The following ABCC9 variants were observed in gnomAD, a reference collection of about 807,000 sequenced individuals.
ABCC9 encodes ATP binding cassette subfamily C member 9.
A neutral mutation model predicts 188.3 loss-of-function variants in ABCC9; 95 were observed. The observed-to-expected ratio is 0.50, with a 90% CI of 0.43 to 0.60. ABCC9 has a LOEUF of 0.60. Among genes scored for constraint, ABCC9 ranks in the 20% least tolerant of loss-of-function variants. ABCC9 has a pLI of 0.00. For synonymous variants in ABCC9, 659 were observed against 652.7 expected (o/e 1.01, Z -0.15); for missense variants, 1,102 against 1,876.3 (o/e 0.59, Z 7.62).
At chr12:21,937,698 T>C (rs913101274) in intron 2 of ABCC9, among the ~76,000 whole-genome samples, 1 of 152,182 alleles carries the variant, frequency 6.6e-6, no homozygotes, top group Non-Finnish European at 1.5e-5. Flanking sequence ...TCTGGGCACT[T>C]TGCATATCTT....
At chr12:21,907,797 G>T (rs534911305) in intron 11 of ABCC9, among the ~76,000 whole-genome samples, 1 of 152,126 alleles carries the variant, frequency 6.6e-6, no homozygotes, top group African/African-American at 2.4e-5. Flanking sequence ...TTAGACAAGT[G>T]ATCTAAGAAG....
intron 14 of ABCC9, among the ~76,000 whole-genome samples, chr12:21,891,078 T>A (rs1947138718): frequency 6.6e-6 from 1 of 152,214 alleles, no homozygotes; most frequent in South Asian, 2.1e-4. Flanking sequence ...TGTATAGCTT[T>A]ATAACACCAT....
chr12:21,902,300 G>A (rs1167358703), intron 12 of ABCC9, among the ~76,000 whole-genome samples: 4 of 152,178 alleles, frequency 2.6e-5, no homozygotes, highest in African/African-American at 9.7e-5. Context: ...TTAAAGCAGT[G>A]TGTAGAGGGA....
intron 29 of ABCC9, among the ~76,000 whole-genome samples, chr12:21,838,756 A>G (rs1428015283): frequency 6.6e-6 from 1 of 152,158 alleles, no homozygotes; most frequent in Admixed American, 6.5e-5. Context: ...TAATCTGGCC[A>G]GGTGCGGTGG....
intron 12 of ABCC9, among the ~76,000 whole-genome samples, chr12:21,904,524 A>G (rs1171421546): frequency 6.6e-6 from 1 of 152,152 alleles, no homozygotes; most frequent in Non-Finnish European, 1.5e-5. Context: ...TTTGCAATCT[A>G]CTCATCTGAC....
At chr12:21,831,671 G>A (rs1451333532) in intron 30 of ABCC9, among the ~76,000 whole-genome samples, 3 of 152,194 alleles carry the variant, frequency 2.0e-5, no homozygotes, top group Non-Finnish European at 2.9e-5. Context: ...AAGATAATCT[G>A]AGTGAGGTTT....
intron 18 of ABCC9, among the ~76,000 whole-genome samples, chr12:21,868,759 TA>T (rs1189842914): frequency 1.3e-5 from 2 of 151,960 alleles, no homozygotes; most frequent in Non-Finnish European, 2.9e-5. Flanking sequence ...TTTTGAGCTT[TA>T]AAAAAAACGA....
chr12:21,905,263 G>A (rs7972391), intron 12 of ABCC9, among the ~76,000 whole-genome samples: 93,637 of 151,690 alleles, frequency 0.62, 29,158 homozygotes, highest in East Asian at 0.8. Context: ...GGGGCCTGTC[G>A]TGGGGTGTGG....
chr12:21,814,604 G>T, intron 35 of ABCC9, 40 bp downstream of exon 35: 3 of 1,512,628 alleles, frequency 2.0e-6, no homozygotes, highest in Non-Finnish European at 2.8e-6. Flanking sequence ...TTAAAGGAAA[G>T]CACCAAGTGG....
chr12:21,852,403 T>A lies in ABCC9; in HGVS notation c.2608A>T (p.Thr870Ser), dbSNP rs1057521460. The change falls in exon 23 of 40, where the codon ACT becomes TCT. Residue 870 changes from threonine to serine, a missense_variant. Thr to Ser is a moderately conservative substitution (Grantham distance 58). Coordinates refer to ENST00000261200, the MANE Select transcript of ABCC9 (RefSeq NM_020297.4). ...QDDKRTLVLV[T>S]HKLQYLTHAD... ...TGCGTCAGATACTGTAATTTGTGAG[T>A]CACAAGAACGAGTGTCCTTTTGTCA... 1.2e-6 allele frequency: 2 copies of A among 1,613,960 alleles called. No homozygotes were observed.
intron 12 of ABCC9, among the ~76,000 whole-genome samples, chr12:21,901,397 T>G (rs907088003): frequency 6.6e-6 from 1 of 152,140 alleles, no homozygotes; most frequent in Non-Finnish European, 1.5e-5. Flanking sequence ...CTGCATCAAC[T>G]AACGAGCAAA....
At position 21,848,224 on chromosome 12, in the gene ABCC9, G is replaced by A. The variant is rs763933429; in HGVS notation, c.2792C>T (p.Thr931Ile). Residue 931 changes from threonine to isoleucine, a missense_variant, in exon 25 of 40, where the codon ACT becomes ATT. Coordinates refer to ENST00000261200, the MANE Select transcript of ABCC9 (RefSeq NM_020297.4). Reference sequence around the variant, plus strand: ...CCGTCGGAGAGTTTTCCTCTCTAAAGTAGTTTGGTCAGCTTCCATATCCTG... The same window carrying A: ...CCGTCGGAGAGTTTTCCTCTCTAAAATAGTTTGGTCAGCTTCCATATCCTG... The part of the protein sequence containing the change: ...LEKDMEADQT[T>I]LERKTLRRAM... 3.7e-6 allele frequency: 6 copies of A among 1,613,460 alleles called. No homozygotes were observed. Among genetic ancestry groups the A allele is most frequent in the Non-Finnish European group, 5.1e-6 (6 of 1,179,554 alleles).
intron 24 of ABCC9, 64 bp downstream of exon 24, chr12:21,852,033 T>C: frequency 6.3e-7 from 1 of 1,577,434 alleles, no homozygotes. Flanking sequence ...GCATTCTTAG[T>C]AATTAGTAAA....
chr12:21,925,643 A>T (rs1168542402), intron 5 of ABCC9: 2 of 645,798 alleles, frequency 3.1e-6, no homozygotes, highest in Non-Finnish European at 5.6e-6. Flanking sequence ...AACTTCTGCA[A>T]GCCAGAAGGC....
chr12:21,901,297 G>A (rs911004833), intron 12 of ABCC9, among the ~76,000 whole-genome samples: 1 of 152,160 alleles, frequency 6.6e-6, no homozygotes, highest in Non-Finnish European at 1.5e-5. Context: ...AAGAGCTCCT[G>A]AAGGAAGCAA....
At chr12:21,928,177 G>A (rs895495633) in intron 4 of ABCC9, among the ~76,000 whole-genome samples, 1 of 150,626 alleles carries the variant, frequency 6.6e-6, no homozygotes, top group Non-Finnish European at 1.5e-5. Context: ...CCGAGATCAC[G>A]CGGCTGCACT....
At chr12:21,850,761 G>GA (rs536143180) in intron 24 of ABCC9, among the ~76,000 whole-genome samples, 21 of 151,956 alleles carry the variant, frequency 1.4e-4, no homozygotes, top group Non-Finnish European at 2.8e-4. Context: ...TTAGATCACT[G>GA]AAAAAAATGT....
At position 21,807,611 on chromosome 12, in the gene ABCC9, C is replaced by G. The variant is rs566301119; in HGVS notation, c.4316-132G>C. ...TCACTTAGTGCTGGTGCAAGGACTT[C>G]ATACTGGAACACAAAGAGGAACTCC... On this transcript the variant is annotated intron_variant, in intron 37 of 39. Coordinates refer to ENST00000261200, the MANE Select transcript of ABCC9 (RefSeq NM_020297.4). The G allele has an allele frequency of 9.9e-5, 120 of 1,218,034 alleles. 1 individual carries two copies. In the African/African-American group the frequency reaches 1.6e-3, roughly 16 times the overall value. 75.5% of individuals were successfully genotyped at this position (1,218,034 alleles called of 1,614,324 possible).
At chr12:21,839,607 A>G (rs757556651) in intron 29 of ABCC9, among the ~76,000 whole-genome samples, 8 of 152,360 alleles carry the variant, frequency 5.3e-5, no homozygotes, top group Middle Eastern at 3.4e-3. Context: ...GCTAACAGTT[A>G]TATCACATGT....
Sources: allele counts gnomAD v4.1 joint callset (sites outside exome capture counted in the v4.1 genomes callset), GRCh38; gene constraint gnomAD v4.1.1; transcripts MANE v1.5; gene names NCBI Gene and HGNC (gene_info 2026-07-23, HGNC 2026-07-21).